Variants in SLC25A16 observed in about 807,000 individuals in gnomAD.
The protein encoded by SLC25A16 is solute carrier family 25 member 16, also known as mitochondrial coenzyme A transporter SLC25A16.
In SLC25A16, 39 loss-of-function variants were observed where a neutral mutation model predicts 41.5. The ratio of observed to expected loss-of-function variants is 0.94; its 90% CI spans 0.73 to 1.23. The LOEUF (loss-of-function observed/expected upper bound fraction) is 1.23, where lower values mean the gene tolerates loss of function less well. Among genes scored for constraint, SLC25A16 ranks in the 50% most tolerant of loss-of-function variants. The pLI, the probability that SLC25A16 is intolerant of heterozygous loss-of-function variation, is 0.00. For synonymous variants in SLC25A16, 146 were observed against 147.8 expected (o/e 0.99, Z 0.09); for missense variants, 421 against 426.9 (o/e 0.99, Z 0.12).
intron 4 of SLC25A16, among the ~76,000 whole-genome samples, chr10:68,497,744 G>A (rs1228514106): frequency 6.6e-6 from 1 of 151,412 alleles, no homozygotes; most frequent in African/African-American, 2.4e-5. Flanking sequence ...AGCCTCCCAA[G>A]TAGTTGGGAT....
intron 2 of SLC25A16, among the ~76,000 whole-genome samples, chr10:68,508,403 TA>T (rs59336332): frequency 0.013 from 1,595 of 126,114 alleles, 33 homozygotes; most frequent in African/African-American, 0.044. Flanking sequence ...CAGGAAGCTT[TA>T]AAAAAAAAAA....
Position 68,487,193 on chromosome 10 carries a change from G to C in SLC25A16, c.793C>G (p.Arg265Gly). The C allele has an allele frequency of 1.2e-6, 2 of 1,613,484 alleles. No individual in the cohort carries two copies. The highest frequency in any genetic ancestry group is 1.7e-6 in the Non-Finnish European group (2 of 1,179,780). Residue 265 changes from arginine to glycine, a missense_variant, in exon 8 of 9, where the codon CGT becomes GGT. Coordinates refer to ENST00000609923, the MANE Select transcript of SLC25A16 (RefSeq NM_152707.4). ...QTISYPFDVTRRRMQLGTVLP... is the reference protein window; with the variant it reads ...QTISYPFDVTGRRMQLGTVLP... Reference sequence around the variant, plus strand: ...ACAGTTCCTAATTGCATTCGCCGACGAGTCACATCAAATGGGTAGCTAAAA... The same window carrying C: ...ACAGTTCCTAATTGCATTCGCCGACCAGTCACATCAAATGGGTAGCTAAAA...
At chr10:68,493,334 A>G in intron 5 of SLC25A16, 115 bp downstream of exon 5, 1 of 1,140,456 alleles carries the variant, frequency 8.8e-7, no homozygotes. Flanking sequence ...TTTCGTAATT[A>G]TTGTTATTAA....
intron 4 of SLC25A16, among the ~76,000 whole-genome samples, chr10:68,502,306 A>G (rs1455881910): frequency 1.3e-5 from 2 of 152,166 alleles, no homozygotes; most frequent in African/African-American, 4.8e-5. Context: ...GAAGTACCAG[A>G]GGAAAAAAAC....
chr10:68,508,370 A>T (rs1233807345), intron 2 of SLC25A16, among the ~76,000 whole-genome samples: 1 of 150,906 alleles, frequency 6.6e-6, no homozygotes, highest in Non-Finnish European at 1.5e-5. Context: ...AACAGAGGAT[A>T]CAAAATGTGG....
intron 2 of SLC25A16, among the ~76,000 whole-genome samples, chr10:68,506,998 C>A (rs2052966587): frequency 6.7e-6 from 1 of 149,984 alleles, no homozygotes; most frequent in South Asian, 2.1e-4. Flanking sequence ...TTATATTAAA[C>A]TATAGCAATC....
Position 68,478,603 on chromosome 10 carries a change from GC to G in SLC25A16, c.*4828del, listed in dbSNP as rs1388602130. The G allele has an allele frequency of 5.3e-5, 8 of 151,826 alleles. No homozygotes were observed. Among genetic ancestry groups the G allele is most frequent in the Admixed American group, 5.3e-4 (8 of 15,236 alleles). 9.4% of individuals were successfully genotyped at this position (151,826 alleles called of 1,614,324 possible). ...AATGTTGCCCAGGCTGGGCTCGAAT[GC>G]CTAGGCTCAAGTGATCCTCCTCGCT... is the stretch of plus-strand genomic sequence containing the variant. On this transcript the variant is annotated 3_prime_UTR_variant, in exon 9 of 9. Coordinates refer to ENST00000609923, the MANE Select transcript of SLC25A16 (RefSeq NM_152707.4).
intron 2 of SLC25A16, among the ~76,000 whole-genome samples, chr10:68,512,868 T>C (rs1263614786): frequency 6.6e-6 from 1 of 150,964 alleles, no homozygotes; most frequent in Non-Finnish European, 1.5e-5. Flanking sequence ...TGAAACCCCA[T>C]CTCTACTAAA....
chr10:68,520,899 G>A (rs567703833), intron 1 of SLC25A16, among the ~76,000 whole-genome samples: 2 of 151,566 alleles, frequency 1.3e-5, no homozygotes, highest in African/African-American at 4.9e-5. Flanking sequence ...ATTTTGGGAC[G>A]TTGAGGCGGG....
At position 68,478,396 on chromosome 10, in the gene SLC25A16, G is replaced by A. The variant is rs1038250351; in HGVS notation, c.*5036C>T. ...TGTCTGGGTTTCAAAGAATAGATGC[G>A]AGGAACTATGTAAAGTGTATGCTTG... On this transcript the variant is annotated 3_prime_UTR_variant, in exon 9 of 9. Coordinates refer to ENST00000609923, the MANE Select transcript of SLC25A16 (RefSeq NM_152707.4). The A allele has an allele frequency of 6.6e-5, 10 of 152,156 alleles. No homozygotes were observed. Among genetic ancestry groups the A allele is most frequent in the South Asian group, 2.1e-4 (1 of 4,830 alleles). 9.4% of individuals were successfully genotyped at this position (152,156 alleles called of 1,614,324 possible).
intron 7 of SLC25A16, 125 bp from the exon 8 acceptor site, chr10:68,487,337 A>G: frequency 1.4e-6 from 1 of 690,558 alleles, no homozygotes; most frequent in Non-Finnish European, 2.5e-6. Context: ...TGTCTAACCT[A>G]GGAGTCGGGA....
intron 4 of SLC25A16, among the ~76,000 whole-genome samples, chr10:68,498,567 G>T (rs2052790020): frequency 6.6e-6 from 1 of 152,126 alleles, no homozygotes; most frequent in African/African-American, 2.4e-5. Context: ...GTGATGGCAT[G>T]TGCCTGCAGT....
chr10:68,507,443 GTT>G (rs1048871841), intron 2 of SLC25A16, among the ~76,000 whole-genome samples: 10 of 151,956 alleles, frequency 6.6e-5, no homozygotes, highest in Admixed American at 4.6e-4. Flanking sequence ...CATGTGTTTT[GTT>G]TGTTTACATA....
At chr10:68,483,971 T>C (rs1208782333) in intron 8 of SLC25A16, among the ~76,000 whole-genome samples, 1 of 152,132 alleles carries the variant, frequency 6.6e-6, no homozygotes, top group East Asian at 1.9e-4. Flanking sequence ...GCCCATAATA[T>C]TAATTTTTAA....
intron 6 of SLC25A16, among the ~76,000 whole-genome samples, chr10:68,489,070 G>T (rs1191257853): frequency 6.6e-6 from 1 of 152,178 alleles, no homozygotes; most frequent in East Asian, 1.9e-4. Flanking sequence ...AGGCGTTCGA[G>T]ATCAGCCTGA....
At chr10:68,499,503 C>G (rs1262542391) in intron 4 of SLC25A16, 1 of 172,862 alleles carries the variant, frequency 5.8e-6, no homozygotes, top group Non-Finnish European at 1.3e-5. Flanking sequence ...TTCCCTTTTG[C>G]GGCCATCACC....
chr10:68,514,103 G>C (rs1011380003), intron 2 of SLC25A16, among the ~76,000 whole-genome samples: 1 of 152,130 alleles, frequency 6.6e-6, no homozygotes, highest in South Asian at 2.1e-4. Context: ...TGAGGCATGA[G>C]AATGGCTTGA....
chr10:68,521,740 C>G (rs1170030211), intron 1 of SLC25A16, among the ~76,000 whole-genome samples: 4 of 150,914 alleles, frequency 2.7e-5, no homozygotes, highest in African/African-American at 4.8e-5. Context: ...ACTACAGGCG[C>G]CCGCCACTAC....
At chr10:68,485,423 C>T (rs902048373) in intron 8 of SLC25A16, among the ~76,000 whole-genome samples, 11 of 151,992 alleles carry the variant, frequency 7.2e-5, no homozygotes, top group East Asian at 1.9e-4. Flanking sequence ...CTCGCTCTGT[C>T]GCCCAGGCTG....
Sources: gnomAD v4.1 joint callset for allele counts (sites outside exome capture counted in the v4.1 genomes callset) on GRCh38, gnomAD v4.1.1 for gene constraint, MANE v1.5 for transcripts, NCBI Gene and HGNC (gene_info 2026-07-23, HGNC 2026-07-21) for gene names.